The following CXADR variants were observed in gnomAD, a reference collection of about 807,000 sequenced individuals.
CXADR encodes the protein CXADR cell adhesion molecule.
CXADR carries 20 observed loss-of-function variants against 40.3 expected under a neutral mutation model. The ratio of observed to expected loss-of-function variants is 0.50; its 90% confidence interval spans 0.35 to 0.72. The LOEUF (loss-of-function observed/expected upper bound fraction) is 0.72. CXADR is among the 30% of genes least tolerant of loss of function. The pLI is 0.01. For synonymous variants in CXADR, 150 were observed against 161.3 expected, an observed-to-expected ratio of 0.93 and a Z score of 0.53; for missense variants, 332 against 449.1, an observed-to-expected ratio of 0.74 and a Z score of 2.36.
At chr21:17,580,845 G>A (rs2061355366) in intron 7 of CXADR, among the ~76,000 whole-genome samples, 1 of 152,062 alleles carries the variant, frequency 6.6e-6, no homozygotes, top group Admixed American at 6.5e-5. Flanking sequence ...CAACCTCCAG[G>A]GCTCAAGCAG....
chr21:17,595,284 G>C (rs2061489975), downstream of CXADR, among the ~76,000 whole-genome samples: 2 of 152,070 alleles, frequency 1.3e-5, no homozygotes, highest in Admixed American at 1.3e-4. Context: ...TCTCAAATCT[G>C]CATTTCTAAG....
downstream of CXADR, chr21:17,598,567 C>G: frequency 6.6e-7 from 1 of 1,511,688 alleles, no homozygotes; most frequent in East Asian, 2.3e-5. Context: ...CCTGAAAGGT[C>G]CTGGCAATCC....
chr21:17,595,166 T>TA (rs1485629421), downstream of CXADR, among the ~76,000 whole-genome samples: 1 of 152,044 alleles, frequency 6.6e-6, no homozygotes, highest in Non-Finnish European at 1.5e-5. Context: ...GATTATCCCA[T>TA]AAATCAGGTG....
At chr21:17,579,089 A>AG (rs959156824) in intron 7 of CXADR, among the ~76,000 whole-genome samples, 51 of 152,242 alleles carry the variant, frequency 3.3e-4, no homozygotes, top group Non-Finnish European at 6.2e-4. Flanking sequence ...AACTAGAAGC[A>AG]GGGCAAAGGT....
chr21:17,528,600 G>A (rs1378639821), intron 1 of CXADR, among the ~76,000 whole-genome samples: 1 of 151,566 alleles, frequency 6.6e-6, no homozygotes, highest in Non-Finnish European at 1.5e-5. Flanking sequence ...TAGAGACGGG[G>A]TTTCTTCATG....
rs71333559 is a variant in CXADR at position 17,568,557 on chromosome 21, CTT to C, written c.*2881_*2882del. ...TTACTGTAGAATATATAGTTCTGTA[CTT>C]TTTTTTTTTTTTTTTAAGAGATAGG... On this transcript the variant is annotated 3_prime_UTR_variant, in exon 7 of 7. Coordinates refer to ENST00000284878, the MANE Select transcript of CXADR (RefSeq NM_001338.5). The C allele has an allele frequency of 0.068, 56,578 of 827,882 alleles. No homozygotes were observed. The highest frequency in any genetic ancestry group is 0.076 in the Non-Finnish European group (53,047 of 695,200). 51.3% of individuals were successfully genotyped at this position (827,882 alleles called of 1,614,324 possible).
intron 1 of CXADR, chr21:17,519,056 G>T: frequency 1.8e-6 from 2 of 1,141,906 alleles, no homozygotes; most frequent in Non-Finnish European, 2.6e-6. Context: ...GAGCAAGATG[G>T]CTGCCCGATA....
At chr21:17,607,400 TTAAGATAATCAAGAGA>T in the CXADR span, among the ~76,000 whole-genome samples, 4 of 152,000 alleles carry the variant, frequency 2.6e-5, no homozygotes, top group Non-Finnish European at 4.4e-5. Flanking sequence ...AAAAAAAAAA[TTAAGATAATCAAGAGA>T]TAAGATAAAA....
In CXADR at chr21:17,568,305, A is replaced by G. The variant is rs891572467; in HGVS notation, c.*2613A>G. 3.4e-5 allele frequency: 27 copies of G among 798,216 alleles called. 2 individuals are homozygous for G. In the Admixed American group the frequency reaches 1.4e-3, roughly 43 times the overall value. The allele number at this position is 798,216 out of a possible 1,614,324, so 49.4% of individuals were successfully genotyped here. A position where few individuals can be genotyped will look rare whatever the true frequency, so the allele number is the denominator to read the frequency against. On this transcript the variant is annotated 3_prime_UTR_variant, in exon 7 of 7. Coordinates refer to ENST00000284878, the MANE Select transcript of CXADR (RefSeq NM_001338.5). Reference sequence around the variant, plus strand: ...CACCACGCTCGGCTAAGTTTTTGTAATTTTAGTAGAGACAGGGTTTCACCG... The same window carrying G: ...CACCACGCTCGGCTAAGTTTTTGTAGTTTTAGTAGAGACAGGGTTTCACCG...
At chr21:17,621,896 T>C in the CXADR span, among the ~76,000 whole-genome samples, 2 of 152,218 alleles carry the variant, frequency 1.3e-5, no homozygotes, top group Non-Finnish European at 2.9e-5. Context: ...ACAAGTTGTA[T>C]TATGAATTAA....
intron 6 of CXADR, among the ~76,000 whole-genome samples, chr21:17,564,181 A>G (rs1383296894): frequency 6.6e-6 from 1 of 151,480 alleles, no homozygotes; most frequent in Non-Finnish European, 1.5e-5. Context: ...CCAAAATCCA[A>G]GGATGCTCAA....
downstream of CXADR, chr21:17,594,039 T>TA (rs2061470287): frequency 1.3e-6 from 2 of 1,577,824 alleles, no homozygotes; most frequent in Non-Finnish European, 1.7e-6. Flanking sequence ...TAATGTGTAG[T>TA]AAGGTTTATT....
chr21:17,584,035 TTTGTGTG>T (rs2061377948), intron 7 of CXADR, among the ~76,000 whole-genome samples: 1 of 152,128 alleles, frequency 6.6e-6, no homozygotes, highest in African/African-American at 2.4e-5. Flanking sequence ...TATTCCTGGG[TTTGTGTG>T]TTTGTGTGTG....
At chr21:17,548,605 C>A (rs1036277188) in intron 2 of CXADR, among the ~76,000 whole-genome samples, 10 of 151,836 alleles carry the variant, frequency 6.6e-5, no homozygotes, top group African/African-American at 2.2e-4. Context: ...GCCCAGGACT[C>A]TGATCCTGTG....
the CXADR span, among the ~76,000 whole-genome samples, chr21:17,606,102 CAAT>C: frequency 6.6e-6 from 1 of 151,922 alleles, no homozygotes; most frequent in Non-Finnish European, 1.5e-5. Flanking sequence ...ATAATATTAA[CAAT>C]AATAAGCATT....
intron 2 of CXADR, 112 bp from the exon 3 acceptor site, chr21:17,551,637 T>C: frequency 1.2e-6 from 1 of 852,542 alleles, no homozygotes; most frequent in Non-Finnish European, 1.8e-6. Context: ...CTTCTTTTTC[T>C]TTTCTGGGAG....
chr21:17,583,028 G>T (rs1000838285), intron 7 of CXADR, among the ~76,000 whole-genome samples: 3 of 152,198 alleles, frequency 2.0e-5, no homozygotes, highest in Non-Finnish European at 4.4e-5. Flanking sequence ...AGATATCAGT[G>T]ACTGCAATTT....
rs768609263 is a variant in CXADR, at chr21:17,547,120, G to C, written c.137G>C (p.Ser46Thr). 7 of 1,614,156 alleles carry C rather than the reference G, an allele frequency of 4.3e-6. No individual in the cohort carries two copies. Among genetic ancestry groups the C allele is most frequent in the Non-Finnish European group, 5.9e-6 (7 of 1,180,038 alleles). Residue 46 changes from serine (S) to threonine (T), a missense_variant, in exon 2 of 7, where the codon AGT (serine) becomes ACT (threonine). Physicochemically the swap from Ser to Thr is moderately conservative, Grantham distance 58. Coordinates refer to ENST00000284878, the MANE Select transcript of CXADR (RefSeq NM_001338.5). ...TAYLPCKFTL[S>T]PEDQGPLDIE... is the part of the protein sequence containing the mutation. ...TATCTGCCATGCAAATTTACGCTTA[G>C]TCCCGAAGACCAGGGACCGCTGGAC...
intron 1 of CXADR, among the ~76,000 whole-genome samples, chr21:17,522,967 A>T (rs2060550356): frequency 6.6e-6 from 1 of 152,234 alleles, no homozygotes; most frequent in Non-Finnish European, 1.5e-5. Flanking sequence ...CAAAAATATG[A>T]ATATCTTACT....
Sources: allele counts gnomAD v4.1 joint callset (sites outside exome capture counted in the v4.1 genomes callset), GRCh38; gene constraint gnomAD v4.1.1; transcripts MANE v1.5; gene names NCBI Gene and HGNC (gene_info 2026-07-23, HGNC 2026-07-21).